The following MYPN variants were observed in gnomAD, a reference collection of about 807,000 sequenced individuals.
The protein encoded by MYPN is sarcomeric protein myopalladin, 145 kDa (MYOP).
A neutral mutation model predicts 129.4 loss-of-function variants in MYPN; 63 were observed. That is an observed-to-expected ratio of 0.49 (90% CI 0.40 to 0.60). The LOEUF (loss-of-function observed/expected upper bound fraction) is 0.60. Among genes scored for constraint, MYPN ranks in the 20% least tolerant of loss-of-function variants. The pLI, the probability that MYPN is intolerant of heterozygous loss-of-function variation, is 0.00. For synonymous variants in MYPN, 629 were observed against 600.9 expected, an observed-to-expected ratio of 1.05 and a Z score of -0.68; for missense variants, 1,596 against 1,635.4, an observed-to-expected ratio of 0.98 and a Z score of 0.42.
At chr10:68,107,640 C>T (rs146566472), upstream of MYPN, among the ~76,000 whole-genome samples, 29 of 152,174 alleles carry the variant, frequency 1.9e-4, no homozygotes, top group East Asian at 2.1e-3. Flanking sequence ...CGTGATCCCC[C>T]GCGCCCGGCC....
intron 10 of MYPN, among the ~76,000 whole-genome samples, chr10:68,167,233 C>A (rs1179818313): frequency 6.6e-6 from 1 of 152,188 alleles, no homozygotes; most frequent in Non-Finnish European, 1.5e-5. Context: ...TCAGAGTCCC[C>A]AGGTAAAGTA....
At chr10:68,102,900 A>T (rs911043737), upstream of MYPN, among the ~76,000 whole-genome samples, 3 of 152,214 alleles carry the variant, frequency 2.0e-5, no homozygotes, top group Non-Finnish European at 4.4e-5. Context: ...TTTTAGTGAC[A>T]TTATCACCTG....
chr10:68,172,682 G>A (rs1046987129), intron 10 of MYPN, among the ~76,000 whole-genome samples: 6 of 152,092 alleles, frequency 3.9e-5, no homozygotes, highest in African/African-American at 7.2e-5. Context: ...CTCCTTTTAG[G>A]AACAATAAAA....
chr10:68,124,487 T>C (rs1307588081), intron 2 of MYPN, among the ~76,000 whole-genome samples: 3 of 152,226 alleles, frequency 2.0e-5, no homozygotes, highest in East Asian at 3.8e-4. Flanking sequence ...TTTGTTTATA[T>C]ATAGGCATAT....
At chr10:68,161,793 A>G in intron 8 of MYPN, 41 bp downstream of exon 8, 1 of 1,413,962 alleles carries the variant, frequency 7.1e-7, no homozygotes, top group Admixed American at 1.7e-5. Context: ...TATATGAGTG[A>G]TTTTATATAT....
At chr10:68,173,400 G>A (rs1203882721) in intron 10 of MYPN, among the ~76,000 whole-genome samples, 1 of 152,066 alleles carries the variant, frequency 6.6e-6, no homozygotes, top group African/African-American at 2.4e-5. Context: ...GAGAAACATT[G>A]TCTCTATTTC....
chr10:68,148,502 A>C (rs141436627), intron 5 of MYPN, 35 bp downstream of exon 5: 6 of 1,522,754 alleles, frequency 3.9e-6, no homozygotes, highest in Non-Finnish European at 4.6e-6. Flanking sequence ...AGTGCCATCC[A>C]CTGTGACAGA....
intron 2 of MYPN, among the ~76,000 whole-genome samples, chr10:68,137,071 A>G (rs900155573): frequency 6.6e-6 from 1 of 152,134 alleles, no homozygotes; most frequent in Non-Finnish European, 1.5e-5. Context: ...ACTGAAAAAG[A>G]TTTTAAATAT....
chr10:68,150,909 A>G (rs1385613697), intron 6 of MYPN, among the ~76,000 whole-genome samples: 2 of 152,220 alleles, frequency 1.3e-5, no homozygotes, highest in African/African-American at 4.8e-5. Context: ...CTTAGGCCCA[A>G]ATAGATTTTA....
Position 68,194,411 on chromosome 10 carries a change from T to G in MYPN, c.2974T>G (p.Cys992Gly), listed in dbSNP as rs367955895. The change falls in exon 14 of 20, where the codon TGC (cysteine) becomes GGC (glycine). Residue 992 changes from cysteine (C) to glycine (G), a missense_variant. Coordinates refer to ENST00000358913, the MANE Select transcript of MYPN (RefSeq NM_032578.4). The part of the protein sequence containing the change: ...GKQISKRNEH[C>G]KMRREGDGTC... The stretch of plus-strand genomic sequence containing the variant: ...GCAGATTTCTAAGAGAAATGAGCAC[T>G]GCAAAATGAGGCGAGAAGGAGATGG... 31 of 1,613,768 alleles carry G rather than the reference T, an allele frequency of 1.9e-5. No individual in the cohort carries two copies. The highest frequency in any genetic ancestry group is 2.6e-5 in the Non-Finnish European group (31 of 1,179,880).
intron 10 of MYPN, among the ~76,000 whole-genome samples, chr10:68,167,983 G>T (rs541859634): frequency 7.5e-4 from 115 of 152,322 alleles, no homozygotes; most frequent in Non-Finnish European, 2.6e-4. Context: ...TCACAGGTCA[G>T]TCCAGCCTCT....
At chr10:68,090,367 G>A (rs1419857557) in intron 1 of MYPN, among the ~76,000 whole-genome samples, 3 of 152,032 alleles carry the variant, frequency 2.0e-5, no homozygotes, top group Admixed American at 6.6e-5. Context: ...GTTTCACCAC[G>A]TTGGTCAGGC....
At chr10:68,142,871 A>T (rs868097254) in intron 2 of MYPN, 69 bp from the exon 3 acceptor site, 1 of 1,409,716 alleles carries the variant, frequency 7.1e-7, no homozygotes, top group Non-Finnish European at 1.0e-6. Flanking sequence ...TTAAGAGAAT[A>T]TCTGGAGCTG....
intron 19 of MYPN, among the ~76,000 whole-genome samples, chr10:68,209,815 A>G (rs1386080962): frequency 3.3e-5 from 5 of 151,594 alleles, no homozygotes; most frequent in African/African-American, 1.2e-4. Context: ...GTGCCTCAGC[A>G]TCCTGAGTAG....
At chr10:68,164,250 C>G (rs901883739) in intron 8 of MYPN, among the ~76,000 whole-genome samples, 1 of 152,222 alleles carries the variant, frequency 6.6e-6, no homozygotes, top group Non-Finnish European at 1.5e-5. Context: ...TGTGCCATTC[C>G]ATGGCAGAAG....
intron 1 of MYPN, among the ~76,000 whole-genome samples, chr10:68,110,473 T>C (rs766740920): frequency 1.3e-5 from 2 of 152,342 alleles, no homozygotes; most frequent in East Asian, 1.9e-4. Context: ...ATTACAGTAA[T>C]GGTGTTAAGG....
At chr10:68,141,378 A>G (rs1254706129) in intron 2 of MYPN, among the ~76,000 whole-genome samples, 1 of 152,036 alleles carries the variant, frequency 6.6e-6, no homozygotes, top group Non-Finnish European at 1.5e-5. Flanking sequence ...AAAAAAAAAA[A>G]AAAAGAATAT....
intron 12 of MYPN, among the ~76,000 whole-genome samples, chr10:68,187,950 A>G (rs2043447237): frequency 6.6e-6 from 1 of 152,184 alleles, no homozygotes; most frequent in Non-Finnish European, 1.5e-5. Flanking sequence ...ATCTCAGAGG[A>G]AGAAAAAGAA....
intron 18 of MYPN, among the ~76,000 whole-genome samples, chr10:68,204,432 TGCAAACTGACCGGGC>T (rs2043776495): frequency 6.6e-6 from 1 of 152,184 alleles, no homozygotes; most frequent in South Asian, 2.1e-4. Context: ...CTTTTAAGAA[TGCAAACTGACCGGGC>T]GCAGTGGCTT....
Sources: gnomAD v4.1 joint callset for allele counts (sites outside exome capture counted in the v4.1 genomes callset) on GRCh38, gnomAD v4.1.1 for gene constraint, MANE v1.5 for transcripts, NCBI Gene and HGNC (gene_info 2026-07-23, HGNC 2026-07-21) for gene names.